The following GCNT2 variants were observed in gnomAD, a reference collection of about 807,000 sequenced individuals.
The protein encoded by GCNT2 is N-acetyllactosaminide beta-1,6-N-acetylglucosaminyl-transferase.
In GCNT2, 34 loss-of-function variants were observed where a neutral mutation model predicts 34.2. That is an observed-to-expected ratio of 1.00 (90% CI 0.76 to 1.32). The LOEUF (loss-of-function observed/expected upper bound fraction) is 1.32, where lower values mean the gene tolerates loss of function less well. GCNT2 is among the 40% of genes most tolerant of loss of function. GCNT2 has a pLI of 0.00. For synonymous variants in GCNT2, 212 were observed against 188.0 expected (o/e 1.13, Z -1.04); for missense variants, 584 against 489.4 (o/e 1.19, Z -1.82).
At chr6:10,570,534 C>T (rs193287516) in intron 3 of GCNT2, among the ~76,000 whole-genome samples, 82 of 152,340 alleles carry the variant, frequency 5.4e-4, no homozygotes, top group African/African-American at 1.6e-3. Context: ...AATTTAGCTT[C>T]GTGCTACCAT....
In GCNT2 at chr6:10,617,750, C is replaced by CTTTTTTTTT. The variant is rs3064178; in HGVS notation, c.926-3587_926-3579dup. 1.7e-3 allele frequency among the ~76,000 whole-genome samples: 172 copies of CTTTTTTTTT among 101,670 alleles called. 15 individuals carry two copies. The highest frequency in any genetic ancestry group is 8.2e-3 in the African/African-American group (163 of 19,880). The allele number at this position is 101,670 out of a possible 152,430, so 66.7% of individuals were successfully genotyped here. On this transcript the variant is annotated intron_variant, in intron 3 of 4. Transcript: ENST00000495262. ...CACCTGGCCAGAGTCTGCATTTCTT[C>CTTTTTTTTT]TTTTTTTTTTTTTTTTTTTTTTGAC...
chr6:10,612,331 T>C (rs1394551229), intron 3 of GCNT2, among the ~76,000 whole-genome samples: 1 of 151,988 alleles, frequency 6.6e-6, no homozygotes, highest in Non-Finnish European at 1.5e-5. Flanking sequence ...TAACCAGGGG[T>C]GATTTTGCAC....
chr6:10,532,389 T>C (rs558105283), intron 3 of GCNT2, among the ~76,000 whole-genome samples: 8 of 152,364 alleles, frequency 5.3e-5, no homozygotes, highest in Admixed American at 1.3e-4. Flanking sequence ...TTCTGTGTTA[T>C]GTGTGTGGAG....
At chr6:10,590,773 C>T (rs764867218) in intron 3 of GCNT2, among the ~76,000 whole-genome samples, 1 of 152,102 alleles carries the variant, frequency 6.6e-6, no homozygotes. Flanking sequence ...AAGATGGTCT[C>T]GATCTCCTGA....
chr6:10,585,428 A>G (rs1764301434), intron 3 of GCNT2, among the ~76,000 whole-genome samples: 1 of 152,168 alleles, frequency 6.6e-6, no homozygotes, highest in Non-Finnish European at 1.5e-5. Context: ...AGAGAACAGG[A>G]AGAGAAAGAA....
chr6:10,615,439 C>T (rs550538705), intron 3 of GCNT2, among the ~76,000 whole-genome samples: 18 of 152,172 alleles, frequency 1.2e-4, no homozygotes, highest in Admixed American at 4.6e-4. Context: ...CTCAGTCTCC[C>T]GAACACCTGG....
At chr6:10,533,452 A>C (rs1304486126) in intron 3 of GCNT2, among the ~76,000 whole-genome samples, 1 of 152,044 alleles carries the variant, frequency 6.6e-6, no homozygotes, top group Non-Finnish European at 1.5e-5. Context: ...TCCAGGAGCC[A>C]CATTAAAAGA....
chr6:10,579,902 T>C (rs970004833), intron 3 of GCNT2, among the ~76,000 whole-genome samples: 1 of 150,328 alleles, frequency 6.7e-6, no homozygotes, highest in East Asian at 2.0e-4. Context: ...TTACACCAAA[T>C]GATCTCACAC....
intron 3 of GCNT2, among the ~76,000 whole-genome samples, chr6:10,565,736 C>T (rs944244542): frequency 7.2e-5 from 11 of 152,122 alleles, no homozygotes; most frequent in South Asian, 4.1e-4. Context: ...CCCACACCAC[C>T]GGCCAAGATA....
intron 3 of GCNT2, among the ~76,000 whole-genome samples, chr6:10,588,071 C>T (rs1050339670): frequency 5.3e-5 from 8 of 152,144 alleles, no homozygotes; most frequent in East Asian, 1.9e-4. Context: ...CCCAATAACA[C>T]GGCATTCCTA....
chr6:10,550,909 T>A (rs1044470678), intron 3 of GCNT2, among the ~76,000 whole-genome samples: 2 of 152,190 alleles, frequency 1.3e-5, no homozygotes, highest in African/African-American at 4.8e-5. Context: ...CACTAATCAG[T>A]ACTACCCTTA....
intron 3 of GCNT2, among the ~76,000 whole-genome samples, chr6:10,577,271 G>C (rs1481277176): frequency 6.6e-6 from 1 of 152,196 alleles, no homozygotes; most frequent in Non-Finnish European, 1.5e-5. Context: ...GTAGGGCAGG[G>C]GGTGGGCTCT....
At chr6:10,575,800 TC>T (rs1320710305) in intron 3 of GCNT2, among the ~76,000 whole-genome samples, 2 of 152,130 alleles carry the variant, frequency 1.3e-5, no homozygotes, top group East Asian at 3.9e-4. Context: ...CTTGTGAAAG[TC>T]CTTTTCCTGG....
At chr6:10,523,220 G>C (rs1170199338) in intron 1 of GCNT2, among the ~76,000 whole-genome samples, 2 of 151,984 alleles carry the variant, frequency 1.3e-5, no homozygotes, top group East Asian at 3.9e-4. Context: ...TCAGGAGTTC[G>C]AGACCAGCCT....
At chr6:10,547,589 A>G (rs1025495010) in intron 3 of GCNT2, among the ~76,000 whole-genome samples, 11 of 152,200 alleles carry the variant, frequency 7.2e-5, no homozygotes, top group African/African-American at 2.7e-4. Context: ...CTTGGCTAAG[A>G]TAGTGCCTGC....
chr6:10,576,090 G>A (rs583787), intron 3 of GCNT2, among the ~76,000 whole-genome samples: 3,299 of 152,190 alleles, frequency 0.022, 106 homozygotes, highest in African/African-American at 0.073. Flanking sequence ...GGCTGGTCTC[G>A]AACTCCTGAC....
chr6:10,567,294 A>G (rs1763325402), intron 3 of GCNT2, among the ~76,000 whole-genome samples: 1 of 152,110 alleles, frequency 6.6e-6, no homozygotes, highest in African/African-American at 2.4e-5. Context: ...TCATCTCTAC[A>G]AAATATACAA....
chr6:10,527,408 A>T (rs569857304), intron 1 of GCNT2, 66 bp from the exon 2 acceptor site: 1 of 152,468 alleles, frequency 6.6e-6, no homozygotes, highest in South Asian at 2.1e-4. Flanking sequence ...CTGGGCAACG[A>T]GAGCGAAACT....
At chr6:10,528,561 T>G (rs560194) in intron 2 of GCNT2, 70 bp from the exon 3 acceptor site, 2 of 350,936 alleles carry the variant, frequency 5.7e-6, no homozygotes, top group African/African-American at 2.1e-5. Flanking sequence ...CACCCACTTG[T>G]AATTTCATGG....
Sources: allele counts gnomAD v4.1 joint callset (sites outside exome capture counted in the v4.1 genomes callset), GRCh38; gene constraint gnomAD v4.1.1; transcripts MANE v1.5; gene names NCBI Gene and HGNC (gene_info 2026-07-23, HGNC 2026-07-21).